The following CAPN13 variants were observed in gnomAD, a reference collection of about 807,000 sequenced individuals.
The protein encoded by CAPN13 is calpain 13.
Under a neutral mutation model 98.4 loss-of-function variants are expected in CAPN13, and 90 were observed. That is an observed-to-expected ratio of 0.92 (90% CI 0.77 to 1.09). The LOEUF is 1.09. CAPN13 is among the 50% of genes least tolerant of loss of function. The probability of loss-of-function intolerance (pLI) is 0.00; values close to 1 mark genes in which losing one functional copy is unlikely to be tolerated. For missense variants in CAPN13, 887 were observed against 841.3 expected (o/e 1.05, Z -0.67); for synonymous variants, 330 against 305.5 (o/e 1.08, Z -0.84).
At chr2:30,759,898 C>A (rs977815006) in intron 7 of CAPN13, among the ~76,000 whole-genome samples, 1 of 152,178 alleles carries the variant, frequency 6.6e-6, no homozygotes, top group Non-Finnish European at 1.5e-5. Flanking sequence ...CACAGTCACA[C>A]ATGGGCCCAG....
intron 10 of CAPN13, among the ~76,000 whole-genome samples, chr2:30,751,703 G>A (rs372818529): frequency 1.3e-5 from 2 of 152,152 alleles, no homozygotes; most frequent in Admixed American, 1.3e-4. Flanking sequence ...AAGAGAGAGC[G>A]AGCTAATGTG....
At chr2:30,771,121 T>C (rs770325153) in intron 4 of CAPN13, among the ~76,000 whole-genome samples, 1 of 152,238 alleles carries the variant, frequency 6.6e-6, no homozygotes, top group Non-Finnish European at 1.5e-5. Flanking sequence ...GAACCGGATG[T>C]TCCTCTCCAA....
At chr2:30,744,272 G>C (rs1671801613) in intron 12 of CAPN13, among the ~76,000 whole-genome samples, 1 of 152,186 alleles carries the variant, frequency 6.6e-6, no homozygotes, top group Non-Finnish European at 1.5e-5. Flanking sequence ...GCCTTGCAGG[G>C]AAAACGGGAA....
At chr2:30,775,340 G>A (rs1475545974) in intron 4 of CAPN13, among the ~76,000 whole-genome samples, 2 of 152,116 alleles carry the variant, frequency 1.3e-5, no homozygotes, top group African/African-American at 2.4e-5. Context: ...TTGAAGGACA[G>A]AAAACTAGTT....
chr2:30,734,997 G>T (rs1671286547), intron 18 of CAPN13, among the ~76,000 whole-genome samples: 1 of 152,228 alleles, frequency 6.6e-6, no homozygotes, highest in South Asian at 2.1e-4. Flanking sequence ...GTTGCAGGGA[G>T]TAAATGACTA....
chr2:30,742,887 A>G (rs951454527), intron 13 of CAPN13, among the ~76,000 whole-genome samples: 1 of 151,994 alleles, frequency 6.6e-6, no homozygotes, highest in Admixed American at 6.6e-5. Flanking sequence ...TCTCCCTGCT[A>G]TACCCCACAT....
rs182631167 is a variant in CAPN13, at chr2:30,774,570, G to A, written c.387+1360C>T. ...TATATTTGAAAATACCGAAGAAACA[G>A]TTGATTTTTCTAGTCGAGTATAAAT... On this transcript the variant is annotated intron_variant, in intron 4 of 22. Coordinates refer to ENST00000295055, the MANE Select transcript of CAPN13 (RefSeq NM_144575.3). 1.0e-3 allele frequency among the ~76,000 whole-genome samples: 154 copies of A among 152,264 alleles called. 2 individuals carry two copies. Among genetic ancestry groups the A allele is most frequent in the Admixed American group, 2.6e-3 (40 of 15,306 alleles).
At chr2:30,793,647 T>C (rs1289273178) in intron 1 of CAPN13, among the ~76,000 whole-genome samples, 1 of 151,674 alleles carries the variant, frequency 6.6e-6, no homozygotes, top group African/African-American at 2.4e-5. Context: ...AGCAATTTTA[T>C]AAAAAGAAGA....
chr2:30,742,676 C>T (rs569131902), intron 13 of CAPN13, among the ~76,000 whole-genome samples: 25 of 152,242 alleles, frequency 1.6e-4, no homozygotes, highest in Admixed American at 4.6e-4. Flanking sequence ...GGTATGATGG[C>T]GGCCTGGCAT....
intron 7 of CAPN13, among the ~76,000 whole-genome samples, chr2:30,760,765 G>A (rs1161552944): frequency 2.6e-5 from 4 of 152,144 alleles, no homozygotes; most frequent in African/African-American, 4.8e-5. Flanking sequence ...ACCTATTGGC[G>A]CTCGCATGGG....
chr2:30,754,402 C>T, intron 8 of CAPN13, 38 bp from the exon 9 acceptor site: 1 of 1,558,882 alleles, frequency 6.4e-7, no homozygotes, highest in Non-Finnish European at 8.7e-7. Flanking sequence ...TGAGATTTTC[C>T]AGTGCATTTT....
At chr2:30,765,584 C>T (rs1236864538) in intron 5 of CAPN13, among the ~76,000 whole-genome samples, 1 of 152,212 alleles carries the variant, frequency 6.6e-6, no homozygotes, top group East Asian at 1.9e-4. Context: ...CTGCCCTTGG[C>T]CTTTCATCTG....
chr2:30,725,777 G>C (rs988349778), intron 22 of CAPN13, among the ~76,000 whole-genome samples: 12 of 152,194 alleles, frequency 7.9e-5, no homozygotes, highest in East Asian at 7.7e-4. Context: ...ATATTGGATA[G>C]AGTTGAAGTG....
At chr2:30,753,967 C>G (rs1449961356) in intron 9 of CAPN13, among the ~76,000 whole-genome samples, 2 of 152,134 alleles carry the variant, frequency 1.3e-5, no homozygotes, top group Non-Finnish European at 2.9e-5. Flanking sequence ...CAAGATGGTA[C>G]AGAGGATATG....
intron 7 of CAPN13, among the ~76,000 whole-genome samples, chr2:30,759,545 C>G (rs565433): frequency 0.21 from 31,409 of 152,144 alleles, 3,488 homozygotes; most frequent in Non-Finnish European, 0.23. Flanking sequence ...CTCCATGATT[C>G]TTGGTCAGAG....
chr2:30,803,220 A>G (rs1190668451), intron 1 of CAPN13, among the ~76,000 whole-genome samples: 2 of 152,196 alleles, frequency 1.3e-5, no homozygotes, highest in Non-Finnish European at 2.9e-5. Context: ...AGGGGCAAAG[A>G]TTCCTGTCAT....
intron 12 of CAPN13, chr2:30,745,102 C>T: frequency 2.3e-6 from 1 of 432,294 alleles, no homozygotes; most frequent in South Asian, 1.7e-5. Flanking sequence ...ATCTGTGGTC[C>T]CCAGGCAGAT....
chr2:30,780,158 C>T (rs1019555874), intron 2 of CAPN13, among the ~76,000 whole-genome samples: 18 of 152,178 alleles, frequency 1.2e-4, no homozygotes, highest in African/African-American at 3.9e-4. Context: ...CACCCGCATG[C>T]GCTGTAAAGG....
chr2:30,782,136 C>A (rs775187355), intron 2 of CAPN13, among the ~76,000 whole-genome samples: 2 of 152,180 alleles, frequency 1.3e-5, no homozygotes, highest in Non-Finnish European at 1.5e-5. Context: ...CTCAAGCCAG[C>A]TGCTCTACCC....
Sources: gnomAD v4.1 joint callset for allele counts (sites outside exome capture counted in the v4.1 genomes callset) on GRCh38, gnomAD v4.1.1 for gene constraint, MANE v1.5 for transcripts, NCBI Gene and HGNC (gene_info 2026-07-23, HGNC 2026-07-21) for gene names.